The following PARD3 variants were observed in gnomAD, a reference collection of about 807,000 sequenced individuals.
The protein encoded by PARD3 is par-3 family cell polarity regulator, also known as partitioning defective 3 homolog.
A neutral mutation model predicts 155.4 loss-of-function variants in PARD3; 75 were observed. That is an observed-to-expected ratio of 0.48 (90% CI 0.40 to 0.58). The LOEUF is 0.58. PARD3 is among the 20% of genes least tolerant of loss of function. The pLI, the probability that PARD3 is intolerant of heterozygous loss-of-function variation, is 0.00. For missense variants in PARD3, 1,642 were observed against 1,721.7 expected, an observed-to-expected ratio of 0.95 and a Z score of 0.82; for synonymous variants, 576 against 610.5, an observed-to-expected ratio of 0.94 and a Z score of 0.83.
intron 19 of PARD3, among the ~76,000 whole-genome samples, chr10:34,328,799 T>C (rs1027469215): frequency 2.6e-5 from 4 of 152,344 alleles, no homozygotes; most frequent in African/African-American, 9.6e-5. Flanking sequence ...CATTCCACCC[T>C]ATAAACACGA....
intron 5 of PARD3, among the ~76,000 whole-genome samples, chr10:34,404,417 A>T (rs1318349169): frequency 6.6e-6 from 1 of 152,200 alleles, no homozygotes; most frequent in Non-Finnish European, 1.5e-5. Context: ...CTGTAATCCC[A>T]GCATTTTCAG....
At chr10:34,281,388 C>T (rs1262134495) in intron 21 of PARD3, among the ~76,000 whole-genome samples, 1 of 152,146 alleles carries the variant, frequency 6.6e-6, no homozygotes, top group Non-Finnish European at 1.5e-5. Context: ...TGTCGGAAAA[C>T]CTGTTAACTT....
chr10:34,490,625 G>A (rs1034108206), intron 3 of PARD3, among the ~76,000 whole-genome samples: 1 of 152,168 alleles, frequency 6.6e-6, no homozygotes, highest in South Asian at 2.1e-4. Context: ...TTCACCAAAA[G>A]AGTCTTCCCA....
At chr10:34,249,184 T>A (rs975407921) in intron 22 of PARD3, among the ~76,000 whole-genome samples, 1 of 152,194 alleles carries the variant, frequency 6.6e-6, no homozygotes, top group East Asian at 1.9e-4. Flanking sequence ...TTTTTTCATT[T>A]CTAATTTTTA....
rs78785820 is a variant in PARD3, at chr10:34,646,142, A to C, written c.222+50176T>G. ...ATATGTAACCACTCACAGTCAAATA[A>C]ATTGTTTTACCTAAATAAAAACCAT... is the stretch of plus-strand genomic sequence containing the variant. On this transcript the variant is annotated intron_variant, in intron 2 of 24. Transcript: ENST00000374788. Among the ~76,000 whole-genome samples, 885 of 152,274 alleles carry C rather than the reference A, an allele frequency of 5.8e-3. 6 individuals carry two copies. The highest frequency in any genetic ancestry group is 9.9e-3 in the Non-Finnish European group (671 of 68,022).
chr10:34,654,729 C>G (rs2093116902), intron 2 of PARD3, among the ~76,000 whole-genome samples: 1 of 152,162 alleles, frequency 6.6e-6, no homozygotes, highest in Non-Finnish European at 1.5e-5. Context: ...CCTACAGCTC[C>G]TCCCAAGTCA....
chr10:34,724,947 CAGT>C (rs2094674883), intron 1 of PARD3, among the ~76,000 whole-genome samples: 2 of 152,176 alleles, frequency 1.3e-5, no homozygotes, highest in East Asian at 1.9e-4. Context: ...TCAGCTCATT[CAGT>C]ACAAGCAATG....
At chr10:34,381,885 C>T (rs2134740382) in intron 9 of PARD3, among the ~76,000 whole-genome samples, 1 of 121,492 alleles carries the variant, frequency 8.2e-6, no homozygotes, top group Non-Finnish European at 1.6e-5. Context: ...TGCACTGTAG[C>T]CTGGGCAACA....
intron 4 of PARD3, among the ~76,000 whole-genome samples, chr10:34,455,207 AT>A (rs372938314): frequency 2.4e-4 from 36 of 152,048 alleles, no homozygotes; most frequent in South Asian, 2.1e-3. Flanking sequence ...CAAAAATCTC[AT>A]TTTTTTTAAG....
At chr10:34,483,499 A>G (rs976144349) in intron 3 of PARD3, among the ~76,000 whole-genome samples, 1 of 130,330 alleles carries the variant, frequency 7.7e-6, no homozygotes, top group Non-Finnish European at 1.5e-5. Flanking sequence ...AAAAAAAAAA[A>G]GAGAGAGAAA....
intron 4 of PARD3, among the ~76,000 whole-genome samples, chr10:34,455,523 C>T (rs1363900368): frequency 6.6e-6 from 1 of 151,750 alleles, no homozygotes; most frequent in African/African-American, 2.4e-5. Flanking sequence ...GACAGTCTCG[C>T]TCTGTTGCCG....
intron 2 of PARD3, among the ~76,000 whole-genome samples, chr10:34,557,364 A>G (rs767100095): frequency 3.9e-5 from 6 of 152,142 alleles, no homozygotes; most frequent in Non-Finnish European, 8.8e-5. Context: ...AAAATACAAA[A>G]GAGCCAGGGT....
At chr10:34,125,595 G>A (rs1947245347) in intron 23 of PARD3, among the ~76,000 whole-genome samples, 1 of 152,238 alleles carries the variant, frequency 6.6e-6, no homozygotes, top group Non-Finnish European at 1.5e-5. Context: ...CAGAGTGGCT[G>A]TGTGCTATGA....
intron 2 of PARD3, among the ~76,000 whole-genome samples, chr10:34,531,392 A>T (rs2133800869): frequency 1.3e-5 from 2 of 152,264 alleles, no homozygotes; most frequent in Admixed American, 1.3e-4. Flanking sequence ...TTATCAAACC[A>T]TCCTTTGCTG....
At chr10:34,123,269 T>G (rs989300235) in intron 23 of PARD3, among the ~76,000 whole-genome samples, 2 of 151,690 alleles carry the variant, frequency 1.3e-5, no homozygotes, top group Non-Finnish European at 2.9e-5. Context: ...TGGCCTATGT[T>G]TAAAACCACA....
chr10:34,384,283 A>G, intron 7 of PARD3, 29 bp from the exon 8 acceptor site: 1 of 1,603,778 alleles, frequency 6.2e-7, no homozygotes, highest in African/African-American at 1.3e-5. Context: ...AAATGATTAC[A>G]CATGTAATAT....
chr10:34,299,813 G>A (rs1957068674), intron 20 of PARD3, among the ~76,000 whole-genome samples: 1 of 152,150 alleles, frequency 6.6e-6, no homozygotes, highest in Non-Finnish European at 1.5e-5. Context: ...GACTGTAATG[G>A]TATCTAACTA....
At position 34,489,657 on chromosome 10, in the gene PARD3, T is replaced by C. The variant is rs148177798; in HGVS notation, c.404-19394A>G. On this transcript the variant is annotated intron_variant, in intron 3 of 24. Coordinates refer to ENST00000374788, the MANE Select transcript of PARD3 (RefSeq NM_001184785.2). ...ATATTACCTTCAAAGTGCAGAGATCTTTCATAGCTAATCTAAACCATTCAT... is the reference window on the plus strand; with the variant it reads ...ATATTACCTTCAAAGTGCAGAGATCCTTCATAGCTAATCTAAACCATTCAT... 2.0e-5 allele frequency among the ~76,000 whole-genome samples: 3 copies of C among 152,356 alleles called. No homozygotes were observed. The East Asian group carries it at 5.8e-4, about 29-fold the overall frequency.
At chr10:34,426,917 A>G (rs1346650000) in intron 5 of PARD3, among the ~76,000 whole-genome samples, 2 of 152,162 alleles carry the variant, frequency 1.3e-5, no homozygotes, top group African/African-American at 4.8e-5. Context: ...AATTTCTTAC[A>G]CCTGTCTTTA....
Sources: gnomAD v4.1 joint callset for allele counts (sites outside exome capture counted in the v4.1 genomes callset) on GRCh38, gnomAD v4.1.1 for gene constraint, MANE v1.5 for transcripts, NCBI Gene and HGNC (gene_info 2026-07-23, HGNC 2026-07-21) for gene names.